Variants in ADCY3 observed in about 807,000 individuals in gnomAD.
ADCY3 encodes adenylate cyclase 3.
In ADCY3, 70 loss-of-function variants were observed where a neutral mutation model predicts 119.4. The ratio of observed to expected loss-of-function variants is 0.59; its 90% CI spans 0.48 to 0.72. ADCY3 has a LOEUF of 0.72. Among genes scored for constraint, ADCY3 ranks in the 30% least tolerant of loss-of-function variants. The pLI is 0.00. For missense variants in ADCY3, 1,238 were observed against 1,541.6 expected, an observed-to-expected ratio of 0.80 and a Z score of 3.30; for synonymous variants, 672 against 621.4, an observed-to-expected ratio of 1.08 and a Z score of -1.21.
intron 17 of ADCY3, among the ~76,000 whole-genome samples, chr2:24,823,586 C>T (rs1391894514): frequency 6.6e-6 from 1 of 151,154 alleles, no homozygotes; most frequent in Non-Finnish European, 1.5e-5. Context: ...GATCGAAGCA[C>T]ACTGCGGCCT....
chr2:24,839,380 G>T (rs1010280503), intron 7 of ADCY3, among the ~76,000 whole-genome samples: 1 of 152,196 alleles, frequency 6.6e-6, no homozygotes, highest in African/African-American at 2.4e-5. Flanking sequence ...GGGAAGGCTG[G>T]GCTGATCCTC....
chr2:24,823,808 C>T (rs1668177200), intron 17 of ADCY3, among the ~76,000 whole-genome samples: 1 of 151,674 alleles, frequency 6.6e-6, no homozygotes, highest in African/African-American at 2.4e-5. Context: ...TCTCCTGTCT[C>T]AGTTTCCCGA....
At chr2:24,820,511 G>C (rs955322603) in intron 21 of ADCY3, 18 of 1,409,666 alleles carry the variant, frequency 1.3e-5, no homozygotes, top group African/African-American at 8.7e-5. Flanking sequence ...TATGCATCTA[G>C]AACTTCAGCC....
At position 24,834,354 on chromosome 2, in the gene ADCY3, C is replaced by CA. The variant is rs1670000159; in HGVS notation, c.1967+130dup. 2.0e-5 allele frequency: 23 copies of CA among 1,158,384 alleles called. No homozygotes were observed. The East Asian group carries it at 5.9e-4, about 30-fold the overall frequency. The allele number at this position is 1,158,384 out of a possible 1,614,324, so 71.8% of individuals were successfully genotyped here. ...CTCCTGGGGCCTGTGGGGGCCGTCC[C>CA]AGTGGGGGTCAGGGAGCAGAGACTG... On this transcript the variant is annotated intron_variant, in intron 11 of 21. Transcript: ENST00000679454. The surrounding 1 kb of genome is among the most constrained non-coding windows in gnomAD (Gnocchi z 4.2).
chr2:24,904,269 C>T (rs1034898218), intron 2 of ADCY3, among the ~76,000 whole-genome samples: 1 of 152,168 alleles, frequency 6.6e-6, no homozygotes, highest in East Asian at 1.9e-4. Flanking sequence ...GTGGCTCACG[C>T]CTGTAATCCC....
chr2:24,913,822 A>G (rs969668334), intron 2 of ADCY3, among the ~76,000 whole-genome samples: 2 of 152,214 alleles, frequency 1.3e-5, no homozygotes, highest in Non-Finnish European at 2.9e-5. Flanking sequence ...TACTTGGTGA[A>G]AAAAGGTCTT....
At chr2:24,831,600 T>G in intron 12 of ADCY3, 62 bp downstream of exon 12, 1 of 1,336,802 alleles carries the variant, frequency 7.5e-7, no homozygotes, top group Non-Finnish European at 1.1e-6. Flanking sequence ...CACTGCCCAG[T>G]TTTACAGGGA....
rs1309572942 is a variant in ADCY3, at chr2:24,821,317, C to T, written c.3127+200G>A. 5.9e-6 allele frequency: 4 copies of T among 678,912 alleles called. No individual in the cohort carries two copies. The East Asian group carries it at 1.1e-4, about 19-fold the overall frequency. The allele number at this position is 678,912 out of a possible 1,614,324, so 42.1% of individuals were successfully genotyped here. A position where few individuals can be genotyped will look rare whatever the true frequency, so the allele number is the denominator to read the frequency against. On this transcript the variant is annotated intron_variant, in intron 20 of 21. Transcript: ENST00000679454. The stretch of plus-strand genomic sequence containing the variant: ...AGTAGGCACAGTATAGTCGGATCAT[C>T]ACATCAGCTGGGTTTTTGGTTTAGT...
intron 3 of ADCY3, among the ~76,000 whole-genome samples, chr2:24,865,355 G>T (rs1674146402): frequency 6.6e-6 from 1 of 152,126 alleles, no homozygotes; most frequent in Admixed American, 6.5e-5. Context: ...TGAGGTAGGA[G>T]AATCGCTTAA....
At position 24,841,413 on chromosome 2, in the gene ADCY3, T is replaced by C. The variant is rs1321636242; in HGVS notation, c.1069-27A>G. 3 of 1,608,198 alleles carry C rather than the reference T, an allele frequency of 1.9e-6. No individual in the cohort carries two copies. The highest frequency in any genetic ancestry group is 2.5e-6 in the Non-Finnish European group (3 of 1,177,250). On this transcript the variant is annotated intron_variant, in intron 5 of 21. Transcript: ENST00000679454. The surrounding 1 kb of genome is among the most constrained non-coding windows in gnomAD (Gnocchi z 5.8). ...TGAAAGGGGAGGGCCTGGCCTGTGC[T>C]CCAGCCCCTCCTCAGTGAGGGAGGA...
intron 2 of ADCY3, among the ~76,000 whole-genome samples, chr2:24,889,348 C>T (rs1364380033): frequency 1.3e-5 from 2 of 152,180 alleles, no homozygotes; most frequent in Admixed American, 6.5e-5. Flanking sequence ...TGTTATTTTG[C>T]GCTTGTTTTG....
chr2:24,895,631 T>A (rs1344154357), intron 2 of ADCY3, among the ~76,000 whole-genome samples: 1 of 151,802 alleles, frequency 6.6e-6, no homozygotes, highest in Non-Finnish European at 1.5e-5. Flanking sequence ...TCTTCTTCTT[T>A]TTTTTTTTCT....
intron 8 of ADCY3, 39 bp downstream of exon 8, chr2:24,838,406 G>GGGGT: frequency 1.3e-6 from 1 of 791,342 alleles, no homozygotes; most frequent in Non-Finnish European, 1.7e-6. Context: ...ATCCAGGGGT[G>GGGGT]GGGTGGGTGG....
chr2:24,830,995 G>C (rs555211275), intron 12 of ADCY3, among the ~76,000 whole-genome samples, 170 bp from the exon 13 acceptor site: 1 of 152,272 alleles, frequency 6.6e-6, no homozygotes, highest in Admixed American at 6.5e-5. Context: ...AGAAGAGGGC[G>C]TGGGAGTTCT....
chr2:24,865,629 G>A (rs1378600597), intron 3 of ADCY3, among the ~76,000 whole-genome samples: 1 of 151,706 alleles, frequency 6.6e-6, no homozygotes, highest in Non-Finnish European at 1.5e-5. Flanking sequence ...AAATGAAGGT[G>A]GGATGACTTA....
chr2:24,859,238 G>A (rs1316275840), intron 3 of ADCY3, among the ~76,000 whole-genome samples: 2 of 152,228 alleles, frequency 1.3e-5, no homozygotes, highest in Non-Finnish European at 2.9e-5. Context: ...TACATTAGAC[G>A]CGGAGAATGC....
chr2:24,828,256 A>C, intron 13 of ADCY3, 95 bp from the exon 14 acceptor site: 1 of 1,445,272 alleles, frequency 6.9e-7, no homozygotes, highest in Non-Finnish European at 9.3e-7. Context: ...CTCAGCTGCC[A>C]CCTCCCGCGG....
intron 2 of ADCY3, among the ~76,000 whole-genome samples, chr2:24,873,794 C>A (rs897678380): frequency 1.3e-5 from 2 of 152,224 alleles, no homozygotes; most frequent in Non-Finnish European, 2.9e-5. Flanking sequence ...GCCCTTCCCC[C>A]GAGGCTGTGG....
chr2:24,907,440 C>T (rs1453522457), intron 2 of ADCY3, among the ~76,000 whole-genome samples: 1 of 151,834 alleles, frequency 6.6e-6, no homozygotes, highest in Non-Finnish European at 1.5e-5. Context: ...AAGTCATTTA[C>T]TTTCCTGTCT....
Sources: gnomAD v4.1 joint callset for allele counts (sites outside exome capture counted in the v4.1 genomes callset) on GRCh38, gnomAD v4.1.1 for gene constraint, Gnocchi (gnomAD v3.1) non-coding constraint, MANE v1.5 for transcripts, NCBI Gene and HGNC (gene_info 2026-07-23, HGNC 2026-07-21) for gene names.